The following CPA6 variants were observed in gnomAD, a reference collection of about 807,000 sequenced individuals.
CPA6 encodes carboxypeptidase A6.
Under a neutral mutation model 63.3 loss-of-function variants are expected in CPA6, and 58 were observed. The ratio of observed to expected loss-of-function variants is 0.92; its 90% CI spans 0.74 to 1.14. The LOEUF is 1.14. Among genes scored for constraint, CPA6 ranks in the 50% most tolerant of loss-of-function variants. The pLI is 0.00. For missense variants in CPA6, 565 were observed against 526.6 expected, an observed-to-expected ratio of 1.07 and a Z score of -0.71; for synonymous variants, 185 against 179.0, an observed-to-expected ratio of 1.03 and a Z score of -0.27.
intron 8 of CPA6, among the ~76,000 whole-genome samples, chr8:67,453,651 T>A (rs1481965849): frequency 4.0e-5 from 6 of 151,786 alleles, no homozygotes; most frequent in Non-Finnish European, 7.4e-5. Flanking sequence ...ACATTAAGAG[T>A]GTAGGGAAAA....
chr8:67,615,439 C>T (rs553695508), intron 2 of CPA6, among the ~76,000 whole-genome samples: 166 of 152,058 alleles, frequency 1.1e-3, no homozygotes, highest in African/African-American at 4.0e-3. Context: ...TCACATTTAA[C>T]AAAGCACAAA....
intron 1 of CPA6, among the ~76,000 whole-genome samples, chr8:67,728,387 G>A (rs1413961144): frequency 6.6e-6 from 1 of 151,976 alleles, no homozygotes; most frequent in Admixed American, 6.6e-5. Context: ...CCTTCAGAGG[G>A]GGAGTGAGAA....
At chr8:67,479,431 T>C in intron 8 of CPA6, among the ~76,000 whole-genome samples, 1 of 152,254 alleles carries the variant, frequency 6.6e-6, no homozygotes, top group South Asian at 2.1e-4. Flanking sequence ...CATCCTTCTG[T>C]GATTCCCTCA....
chr8:67,591,531 T>C (rs1814124493), intron 2 of CPA6, among the ~76,000 whole-genome samples: 1 of 152,238 alleles, frequency 6.6e-6, no homozygotes, highest in South Asian at 2.1e-4. Flanking sequence ...TGGAATGTTC[T>C]TCCCTTTGTT....
At chr8:67,708,064 A>C (rs939316931) in intron 1 of CPA6, among the ~76,000 whole-genome samples, 2 of 152,206 alleles carry the variant, frequency 1.3e-5, no homozygotes, top group Non-Finnish European at 1.5e-5. Context: ...CAGGAGCCCC[A>C]ACTAATCTTG....
At chr8:67,579,529 C>T (rs1813712604) in intron 2 of CPA6, among the ~76,000 whole-genome samples, 2 of 152,178 alleles carry the variant, frequency 1.3e-5, no homozygotes, top group Admixed American at 6.5e-5. Flanking sequence ...ATAATAAATA[C>T]CAAACACATA....
intron 1 of CPA6, among the ~76,000 whole-genome samples, chr8:67,683,974 G>A (rs914645378): frequency 1.4e-5 from 2 of 139,204 alleles, no homozygotes; most frequent in Admixed American, 1.5e-4. Flanking sequence ...AGAGGCACAT[G>A]CTGTTATGTC....
At chr8:67,529,437 A>G (rs1430678630) in intron 2 of CPA6, among the ~76,000 whole-genome samples, 3 of 152,218 alleles carry the variant, frequency 2.0e-5, no homozygotes, top group African/African-American at 7.2e-5. Flanking sequence ...AGTACCACTG[A>G]GGAGTATGGA....
intron 8 of CPA6, among the ~76,000 whole-genome samples, chr8:67,468,148 C>G (rs1810972515): frequency 6.6e-6 from 1 of 152,160 alleles, no homozygotes; most frequent in Non-Finnish European, 1.5e-5. Flanking sequence ...ATACCCCTAA[C>G]AGGCAATGCC....
intron 8 of CPA6, among the ~76,000 whole-genome samples, chr8:67,450,932 G>A (rs1030278273): frequency 6.6e-6 from 1 of 152,200 alleles, no homozygotes; most frequent in Non-Finnish European, 1.5e-5. Flanking sequence ...GCAGAAGGCT[G>A]TAAAAGTGAT....
intron 6 of CPA6, among the ~76,000 whole-genome samples, chr8:67,496,550 TATATA>T (rs1563976184): frequency 1.5e-4 from 20 of 133,216 alleles, no homozygotes; most frequent in African/African-American, 3.2e-4. Context: ...TATATATATA[TATATA>T]TATTTATTTT....
intron 8 of CPA6, among the ~76,000 whole-genome samples, chr8:67,472,412 C>T (rs4737837): frequency 0.02 from 1,173 of 57,670 alleles, 20 homozygotes; most frequent in African/African-American, 0.064. Context: ...TTTATCTTAT[C>T]TTATTTTATT....
chr8:67,642,124 C>A (rs1384949287), intron 1 of CPA6, among the ~76,000 whole-genome samples: 7 of 152,132 alleles, frequency 4.6e-5, no homozygotes, highest in Admixed American at 4.6e-4. Flanking sequence ...GAGCTTGAGA[C>A]CAGTCCAACA....
chr8:67,434,750 T>C (rs1267604429), intron 8 of CPA6, among the ~76,000 whole-genome samples: 1 of 152,202 alleles, frequency 6.6e-6, no homozygotes, highest in Non-Finnish European at 1.5e-5. Flanking sequence ...CAGTCCTCAC[T>C]GCCCAGACCA....
intron 1 of CPA6, among the ~76,000 whole-genome samples, chr8:67,733,417 T>A (rs1299602339): frequency 1.4e-5 from 2 of 142,078 alleles, no homozygotes; most frequent in Non-Finnish European, 3.1e-5. Context: ...CCACCTCACC[T>A]CCTCTTTCCC....
Position 67,490,098 on chromosome 8 carries a change from T to C in CPA6, c.637-5309A>G, listed in dbSNP as rs1229083252. ...AAGAATCATCACGACGTGATGACTG[T>C]TAAATACTGAACAGGACATTTAGGA... On this transcript the variant is annotated intron_variant, in intron 6 of 10. Coordinates refer to ENST00000297770, the MANE Select transcript of CPA6 (RefSeq NM_020361.5). Among the ~76,000 whole-genome samples, 5 of 152,206 alleles carry C rather than the reference T, an allele frequency of 3.3e-5. No homozygotes were observed. In the East Asian group the frequency reaches 9.6e-4, roughly 29 times the overall value.
chr8:67,590,947 T>G (rs997634329), intron 2 of CPA6, among the ~76,000 whole-genome samples: 2 of 152,254 alleles, frequency 1.3e-5, no homozygotes, highest in African/African-American at 4.8e-5. Flanking sequence ...GTTTTACACA[T>G]GAAGTCCTTG....
At chr8:67,579,438 T>C (rs1813710398) in intron 2 of CPA6, among the ~76,000 whole-genome samples, 1 of 152,070 alleles carries the variant, frequency 6.6e-6, no homozygotes, top group South Asian at 2.1e-4. Context: ...AAAACCTAAG[T>C]TTATAATCAC....
At chr8:67,531,585 C>T (rs1812479065) in intron 2 of CPA6, among the ~76,000 whole-genome samples, 1 of 152,018 alleles carries the variant, frequency 6.6e-6, no homozygotes, top group African/African-American at 2.4e-5. Context: ...CTCCTATGTA[C>T]ATTTATATAC....
Sources: gnomAD v4.1 joint callset for allele counts (sites outside exome capture counted in the v4.1 genomes callset) on GRCh38, gnomAD v4.1.1 for gene constraint, MANE v1.5 for transcripts, NCBI Gene and HGNC (gene_info 2026-07-23, HGNC 2026-07-21) for gene names.